Variants in C1QTNF8 observed in about 807,000 individuals in gnomAD.
C1QTNF8 encodes C1q and TNF related 8, also known as complement C1q tumor necrosis factor-related protein 8.
A neutral mutation model predicts 19.2 loss-of-function variants in C1QTNF8; 27 were observed. That is an observed-to-expected ratio of 1.41 (90% CI 1.04 to 1.94). The LOEUF (loss-of-function observed/expected upper bound fraction) is 1.94, where lower values mean the gene tolerates loss of function less well. C1QTNF8 is among the 30% of genes most tolerant of loss of function. C1QTNF8 has a pLI of 0.00. For missense variants in C1QTNF8, 484 were observed against 374.4 expected, an observed-to-expected ratio of 1.29 and a Z score of -2.42; for synonymous variants, 208 against 172.8, an observed-to-expected ratio of 1.20 and a Z score of -1.60.
At chr16:1,093,118 TGCACACAGTCGGTGCTCAACAAATCACA>T (rs1411704949) in intron 4 of C1QTNF8, among the ~76,000 whole-genome samples, 7 of 137,926 alleles carry the variant, frequency 5.1e-5, no homozygotes, top group African/African-American at 1.4e-4. Context: ...AACCAATCCC[TGCACACAGTCGGTGCTCAACAAATCACA>T]GCACACAGTC....
intron 4 of C1QTNF8, among the ~76,000 whole-genome samples, chr16:1,092,530 AGCACACAGTCGGCGCTCAATCAATCCCT>A (rs1960571505): frequency 3.8e-5 from 2 of 52,038 alleles, no homozygotes; most frequent in African/African-American, 8.5e-5. Context: ...AACCAATCAC[AGCACACAGTCGGCGCTCAATCAATCCCT>A]GCACACAGTC....
intron 4 of C1QTNF8, among the ~76,000 whole-genome samples, chr16:1,091,367 C>T (rs771456870): frequency 2.0e-5 from 3 of 152,070 alleles, no homozygotes; most frequent in Non-Finnish European, 2.9e-5. Context: ...ACAAATAGCA[C>T]ACCAAGGAGG....
Position 1,093,926 on chromosome 16 carries a change from A to T in C1QTNF8, c.334T>A (p.Cys112Ser). ...GAGAAGGCGGCGTAGGCACGTCGGCACGCGGCGCCCGGCGGCCCCACCTGC... is the reference window on the plus strand; with the variant it reads ...GAGAAGGCGGCGTAGGCACGTCGGCTCGCGGCGCCCGGCGGCCCCACCTGC... ...KGQVGPPGAA[C>S]RRAYAAFSVG... Residue 112 changes from cysteine (C) to serine (S), a missense_variant, in exon 4 of 5, where the codon TGC becomes AGC. Physicochemically the swap from Cys to Ser is moderately radical, Grantham distance 112. Transcript: ENST00000328449. 6.6e-7 allele frequency: 1 copy of T among 1,511,918 alleles called. No individual in the cohort carries two copies. Among genetic ancestry groups the T allele is most frequent in the Non-Finnish European group, 8.8e-7 (1 of 1,141,500 alleles). The allele number at this position is 1,511,918 out of a possible 1,614,324, so 93.7% of individuals were successfully genotyped here. A position where few individuals can be genotyped will look rare whatever the true frequency, so the allele number is the denominator to read the frequency against.
chr16:1,094,193 G>C (rs1024277711), intron 3 of C1QTNF8, 142 bp from the exon 4 acceptor site: 3 of 659,100 alleles, frequency 4.6e-6, no homozygotes, highest in Non-Finnish European at 6.8e-6. Context: ...CCCAGTCTCC[G>C]CGTCCACGTC....
chr16:1,093,982 C>G lies in C1QTNF8; in HGVS notation c.278G>C (p.Arg93Pro), dbSNP rs760167932. 2 of 1,466,962 alleles carry G rather than the reference C, an allele frequency of 1.4e-6. No individual in the cohort carries two copies. The highest frequency in any genetic ancestry group is 1.8e-6 in the Non-Finnish European group (2 of 1,124,872). 90.9% of individuals were successfully genotyped at this position (1,466,962 alleles called of 1,614,324 possible). ...RSGKEGPPGA[R>P]GLQGRRGQKG... ...CTGGCCTCTGCGGCCCTGCAGGCCC[C>G]GGGCGCCTGGCGGCCCCTCTTTCCC... Residue 93 changes from arginine (R) to proline (P), a missense_variant, in exon 4 of 5, where the codon CGG becomes CCG. By Grantham distance (103) the Arg-to-Pro change is moderately radical. Coordinates refer to ENST00000328449, the MANE Select transcript of C1QTNF8 (RefSeq NM_207419.3).
chr16:1,093,294 G>C (rs1960596458), intron 4 of C1QTNF8, among the ~76,000 whole-genome samples: 1 of 141,616 alleles, frequency 7.1e-6, no homozygotes, highest in Admixed American at 6.8e-5. Context: ...ACTGCACACA[G>C]TCGGCGCTCA....
At position 1,094,557 on chromosome 16, in the gene C1QTNF8, G is replaced by T. The variant is rs372504299; in HGVS notation, c.208+158C>A. 7 of 519,130 alleles carry T rather than the reference G, an allele frequency of 1.3e-5. No individual in the cohort carries two copies. The East Asian group carries it at 1.8e-4, about 13-fold the overall frequency. The allele number at this position is 519,130 out of a possible 1,614,324, so 32.2% of individuals were successfully genotyped here. A position where few individuals can be genotyped will look rare whatever the true frequency, so the allele number is the denominator to read the frequency against. On this transcript the variant is annotated intron_variant, in intron 3 of 4. Transcript: ENST00000328449. Reference sequence around the variant, plus strand: ...GCCAGGCTTCTTCCTGCTTGCGGGGGGAGCCCAGGGGTCCCTGTGCAGGGA... The same window carrying T: ...GCCAGGCTTCTTCCTGCTTGCGGGGTGAGCCCAGGGGTCCCTGTGCAGGGA...
In C1QTNF8 at chr16:1,093,876, G is replaced by C. The variant is rs1960625946; in HGVS notation, c.384C>G (p.His128Gln). ...AFSVGRREGLHSSDHFQAVPF... is the reference protein window; with the variant it reads ...AFSVGRREGLQSSDHFQAVPF... ...GCACCGCCTGGAAGTGGTCGGAGCT[G>C]TGCAGGCCCTCGCGCCGGCCCACGG... is the stretch of plus-strand genomic sequence containing the variant. The change falls in exon 4 of 5, where the codon CAC (histidine) becomes CAG (glutamine). Residue 128 changes from histidine to glutamine, a missense_variant. Transcript: ENST00000328449. The C allele has an allele frequency of 1.9e-6, 3 of 1,582,740 alleles. No homozygotes were observed. In the South Asian group the frequency reaches 3.4e-5, roughly 18 times the overall value.
Position 1,093,566 on chromosome 16 carries a change from C to T in C1QTNF8, c.694G>A (p.Gly232Ser), listed in dbSNP as rs200400801. The change falls in exon 4 of 5, where the codon GGC becomes AGC. Residue 232 changes from glycine (G) to serine (S), a missense_variant. By Grantham distance (56) the Gly-to-Ser change is moderately conservative. Coordinates refer to ENST00000328449, the MANE Select transcript of C1QTNF8 (RefSeq NM_207419.3). ...GTGATGTAGAGGTCTCCGTGCTCGC[C>T]GTAGATGGCGTTGTCCCGGTCGCGC... Reference protein sequence around the residue: ...FQRDRDNAIYGEHGDLYITFS... With the variant: ...FQRDRDNAIYSEHGDLYITFS... 3.1e-6 allele frequency: 5 copies of T among 1,593,592 alleles called. No homozygotes were observed. The highest frequency in any genetic ancestry group is 1.3e-5 in the African/African-American group (1 of 74,346).
In C1QTNF8 at chr16:1,089,767, G is replaced by A. The variant is rs1960505503; in HGVS notation, c.*832C>T. Among the ~76,000 whole-genome samples, 1 of 152,136 alleles carries A rather than the reference G, an allele frequency of 6.6e-6. No homozygotes were observed. Among genetic ancestry groups the A allele is most frequent in the African/African-American group, 2.4e-5 (1 of 41,422 alleles). ...CCGTCAGCACACGGGGTAGGGCTGGGGGTGTCCCGGTCGGGGTGGGAGGCC... is the reference window on the plus strand; with the variant it reads ...CCGTCAGCACACGGGGTAGGGCTGGAGGTGTCCCGGTCGGGGTGGGAGGCC... On this transcript the variant is annotated 3_prime_UTR_variant, in exon 5 of 5. Coordinates refer to ENST00000328449, the MANE Select transcript of C1QTNF8 (RefSeq NM_207419.3).
In C1QTNF8 at chr16:1,093,621, C is replaced by CGCCGCCA. The variant is rs1960613971; in HGVS notation, c.632_638dup (p.Asp215GlyfsTer162). The CGCCGCCA allele has an allele frequency of 1.9e-6, 3 of 1,607,158 alleles. No individual in the cohort carries two copies. Among genetic ancestry groups the CGCCGCCA allele is most frequent in the Non-Finnish European group, 2.5e-6 (3 of 1,177,076 alleles). On this transcript the variant is annotated frameshift_variant, in exon 4 of 5. Coordinates refer to ENST00000328449, the MANE Select transcript of C1QTNF8 (RefSeq NM_207419.3). LOFTEE classifies it high-confidence loss of function. ...ACATGCGCACCCAGACGGCGTCGCC[C>CGCCGCCA]GCCGCCAGCAGCAGCATCAGGCTCT...
chr16:1,093,470 C>CGCT, intron 4 of C1QTNF8, 27 bp downstream of exon 4: 1 of 1,458,398 alleles, frequency 6.9e-7, no homozygotes. Context: ...GCGCGCGCGC[C>CGCT]CGGTGCTCAG....
rs1051764301 is a variant in C1QTNF8, at chr16:1,088,507, C to T, written c.*2092G>A. On this transcript the variant is annotated 3_prime_UTR_variant, in exon 5 of 5. Transcript: ENST00000328449. ...TGCTTTTCGTGTCTCTGGCCTCTACCAAGCATCCCTCTTTCCGCTCCCACC... is the reference window on the plus strand; with the variant it reads ...TGCTTTTCGTGTCTCTGGCCTCTACTAAGCATCCCTCTTTCCGCTCCCACC... Among the ~76,000 whole-genome samples, 3 of 152,230 alleles carry T rather than the reference C, an allele frequency of 2.0e-5. No individual in the cohort carries two copies. In the East Asian group the frequency reaches 5.8e-4, roughly 29 times the overall value.
At position 1,089,288 on chromosome 16, in the gene C1QTNF8, A is replaced by G. The variant is rs1386299557; in HGVS notation, c.*1311T>C. ...ATGGCCAGCCGGGACCCCCACCCCCAGCAGCCCATACCCCCCACCTCTGGT... is the reference window on the plus strand; with the variant it reads ...ATGGCCAGCCGGGACCCCCACCCCCGGCAGCCCATACCCCCCACCTCTGGT... On this transcript the variant is annotated 3_prime_UTR_variant, in exon 5 of 5. Transcript: ENST00000328449. Among the ~76,000 whole-genome samples, 1 of 146,688 alleles carries G rather than the reference A, an allele frequency of 6.8e-6. No homozygotes were observed. Among genetic ancestry groups the G allele is most frequent in the Non-Finnish European group, 1.5e-5 (1 of 66,242 alleles).
At chr16:1,092,160 G>A (rs1397241979) in intron 4 of C1QTNF8, among the ~76,000 whole-genome samples, 1 of 152,224 alleles carries the variant, frequency 6.6e-6, no homozygotes. Flanking sequence ...GTGGCTTCAT[G>A]TGGTCCTTTC....
At chr16:1,095,554 C>T (rs1344929905) in intron 2 of C1QTNF8, 61 bp downstream of exon 2, 1 of 152,204 alleles carries the variant, frequency 6.6e-6, no homozygotes, top group Non-Finnish European at 1.5e-5. Context: ...CAAGGTAGGC[C>T]CCCTCCCAAC....
rs755501083 is a variant in C1QTNF8 at position 1,093,548 on chromosome 16, A to G, written c.712T>C (p.Tyr238His). 6.3e-7 allele frequency: 1 copy of G among 1,585,218 alleles called. No homozygotes were observed. The highest frequency in any genetic ancestry group is 1.1e-5 in the South Asian group (1 of 88,472). Residue 238 changes from tyrosine (Y) to histidine (H), a missense_variant, in exon 4 of 5, where the codon TAC becomes CAC. By Grantham distance (83) the Tyr-to-His change is moderately conservative. Transcript: ENST00000328449. The part of the protein sequence containing the change: ...NAIYGEHGDL[Y>H]ITFSGHLVKP... ...ACCAGGTGGCCGCTGAAGGTGATGT[A>G]GAGGTCTCCGTGCTCGCCGTAGATG... is the stretch of plus-strand genomic sequence containing the variant.
intron 2 of C1QTNF8, among the ~76,000 whole-genome samples, chr16:1,095,365 C>A (rs1033733995): frequency 2.0e-5 from 3 of 152,186 alleles, no homozygotes; most frequent in African/African-American, 7.2e-5. Flanking sequence ...GGGTGGGGGG[C>A]CCTGCACAGT....
chr16:1,089,347 G>A lies in C1QTNF8; in HGVS notation c.*1252C>T, dbSNP rs945768267. On this transcript the variant is annotated 3_prime_UTR_variant, in exon 5 of 5. Transcript: ENST00000328449. ...CACCTGCCACACTTGACCCCAACAG[G>A]CTCCTCCTGGGGATCCCCCCAAGCA... Among the ~76,000 whole-genome samples the A allele has an allele frequency of 6.6e-6, 1 of 151,988 alleles. No individual in the cohort carries two copies. Among genetic ancestry groups the A allele is most frequent in the African/African-American group, 2.4e-5 (1 of 41,344 alleles).
Sources: allele counts gnomAD v4.1 joint callset (sites outside exome capture counted in the v4.1 genomes callset), GRCh38; gene constraint gnomAD v4.1.1; transcripts MANE v1.5; gene names NCBI Gene and HGNC (gene_info 2026-07-23, HGNC 2026-07-21).